Variants in GPATCH2L observed in about 807,000 individuals in gnomAD.
GPATCH2L encodes the protein G patch domain-containing protein 2-like.
Under a neutral mutation model 57.4 loss-of-function variants are expected in GPATCH2L, and 31 were observed. That is an observed-to-expected ratio of 0.54 (90% CI 0.41 to 0.73). GPATCH2L has a LOEUF of 0.73. GPATCH2L is among the 30% of genes least tolerant of loss of function. GPATCH2L has a pLI of 0.00. For missense variants in GPATCH2L, 481 were observed against 599.9 expected, an observed-to-expected ratio of 0.80 and a Z score of 2.07; for synonymous variants, 199 against 210.7, an observed-to-expected ratio of 0.94 and a Z score of 0.48.
At chr14:76,158,541 A>G (rs12147952) in intron 2 of GPATCH2L, among the ~76,000 whole-genome samples, 24,059 of 152,244 alleles carry the variant, frequency 0.16, 2,004 homozygotes, top group Middle Eastern at 0.33. Flanking sequence ...TGGGTGATCA[A>G]TAACACTCTA....
rs2040434533 is a variant in GPATCH2L at position 76,211,029 on chromosome 14, T to C, written c.*9178T>C. 6.6e-6 allele frequency: 1 copy of C among 152,178 alleles called. No individual in the cohort carries two copies. Among genetic ancestry groups the C allele is most frequent in the African/African-American group, 2.4e-5 (1 of 41,446 alleles). The allele number at this position is 152,178 out of a possible 1,614,324, so 9.4% of individuals were successfully genotyped here. ...TTTGGCAGCAAGGAGGAGGGCACTT[T>C]AACTCAAACTGGGCAGTGGAAGAAG... On this transcript the variant is annotated 3_prime_UTR_variant, in exon 10 of 10. Coordinates refer to ENST00000261530, the MANE Select transcript of GPATCH2L (RefSeq NM_017926.4).
chr14:76,159,312 A>T (rs943247180), intron 2 of GPATCH2L, among the ~76,000 whole-genome samples: 3 of 152,242 alleles, frequency 2.0e-5, no homozygotes, highest in African/African-American at 7.2e-5. Flanking sequence ...GTCATCTTCA[A>T]AGATTCATTC....
chr14:76,161,007 A>C (rs1467527929), intron 2 of GPATCH2L, among the ~76,000 whole-genome samples: 3 of 152,218 alleles, frequency 2.0e-5, no homozygotes, highest in Non-Finnish European at 4.4e-5. Context: ...GAAACTGAAA[A>C]AGAAATTCTT....
At position 76,210,067 on chromosome 14, in the gene GPATCH2L, G is replaced by C. The variant is rs1207491717; in HGVS notation, c.*8216G>C. ...CCTCAGGGACCTCTTAGGGAAGAGGGTAACTGCCCTAAAGCAGGATACTCC... is the reference window on the plus strand; with the variant it reads ...CCTCAGGGACCTCTTAGGGAAGAGGCTAACTGCCCTAAAGCAGGATACTCC... On this transcript the variant is annotated 3_prime_UTR_variant, in exon 10 of 10. Transcript: ENST00000261530. The C allele has an allele frequency of 6.6e-6, 1 of 152,188 alleles. No individual in the cohort carries two copies. The highest frequency in any genetic ancestry group is 1.5e-5 in the Non-Finnish European group (1 of 68,040). 9.4% of individuals were successfully genotyped at this position (152,188 alleles called of 1,614,324 possible). A position where few individuals can be genotyped will look rare whatever the true frequency, so the allele number is the denominator to read the frequency against.
At chr14:76,233,706 A>G (rs1049014675) in intron 2 of GPATCH2L, among the ~76,000 whole-genome samples, 1 of 152,268 alleles carries the variant, frequency 6.6e-6, no homozygotes, top group South Asian at 2.1e-4. Context: ...CGCAATGATC[A>G]TACTTTAAAA....
At chr14:76,175,950 C>T (rs531133139) in intron 5 of GPATCH2L, 3 of 152,192 alleles carry the variant, frequency 2.0e-5, no homozygotes, top group South Asian at 2.1e-4. Context: ...AGTGAATTGC[C>T]GTTTTCCAAT....
chr14:76,158,428 A>T (rs1179651011), intron 2 of GPATCH2L, among the ~76,000 whole-genome samples: 2 of 152,132 alleles, frequency 1.3e-5, no homozygotes, highest in African/African-American at 4.8e-5. Context: ...TCTGTCCATC[A>T]CCTCTCACTT....
At chr14:76,189,059 C>T (rs997746233) in intron 8 of GPATCH2L, among the ~76,000 whole-genome samples, 5 of 152,054 alleles carry the variant, frequency 3.3e-5, no homozygotes, top group African/African-American at 1.2e-4. Flanking sequence ...TTCCATTGGT[C>T]TATGTGTCTG....
At chr14:76,182,602 AAAAAG>A (rs1566799280) in intron 8 of GPATCH2L, among the ~76,000 whole-genome samples, 2 of 149,442 alleles carry the variant, frequency 1.3e-5, no homozygotes, top group Non-Finnish European at 3.0e-5. Flanking sequence ...AAAAAAAAAA[AAAAAG>A]AAAAGAATGT....
intron 8 of GPATCH2L, among the ~76,000 whole-genome samples, chr14:76,190,436 A>G (rs536818006): frequency 3.9e-5 from 6 of 152,132 alleles, no homozygotes; most frequent in African/African-American, 1.4e-4. Flanking sequence ...ATACCACCAC[A>G]GTGGGGAAAC....
At chr14:76,181,068 C>G (rs1402864755) in intron 8 of GPATCH2L, among the ~76,000 whole-genome samples, 1 of 152,174 alleles carries the variant, frequency 6.6e-6, no homozygotes, top group Non-Finnish European at 1.5e-5. Context: ...CAACTTTGAC[C>G]TAAGTCTTCT....
In GPATCH2L at chr14:76,204,942, C is replaced by G. The variant is rs1421189621; in HGVS notation, c.*3091C>G. ...GATGCAGTATTTTAAAGGAACAAAA[C>G]TCCTGTGTTGCCTTTTGTTGTTGTT... On this transcript the variant is annotated 3_prime_UTR_variant, in exon 10 of 10. Coordinates refer to ENST00000261530, the MANE Select transcript of GPATCH2L (RefSeq NM_017926.4). 1.3e-5 allele frequency: 2 copies of G among 151,678 alleles called. No homozygotes were observed. The highest frequency in any genetic ancestry group is 2.9e-5 in the Non-Finnish European group (2 of 67,986). The allele number at this position is 151,678 out of a possible 1,614,324, so 9.4% of individuals were successfully genotyped here.
chr14:76,224,980 G>T (rs923564521), intron 1 of GPATCH2L, among the ~76,000 whole-genome samples: 2 of 152,052 alleles, frequency 1.3e-5, no homozygotes, highest in Admixed American at 1.3e-4. Flanking sequence ...AATAAAGAAG[G>T]TCTAAATAAA....
intron 2 of GPATCH2L, among the ~76,000 whole-genome samples, chr14:76,158,200 G>GT (rs1566769288): frequency 6.6e-6 from 1 of 152,010 alleles, no homozygotes; most frequent in African/African-American, 2.4e-5. Flanking sequence ...CTAAGGTGAT[G>GT]TATTAGAGGC....
rs148273537 is a variant in GPATCH2L at position 76,180,490 on chromosome 14, T to A, written c.1108-274T>A. The stretch of plus-strand genomic sequence containing the variant: ...CTGTTATATCATGTGGAAAAAACTG[T>A]CTTCTGCCATTTAAGTGACTATTGT... On this transcript the variant is annotated intron_variant, in intron 7 of 9. Transcript: ENST00000261530. Among the ~76,000 whole-genome samples the A allele has an allele frequency of 5.5e-4, 84 of 152,348 alleles. 1 individual carries two copies. The highest frequency in any genetic ancestry group is 1.9e-3 in the African/African-American group (79 of 41,582).
chr14:76,202,026 A>T lies in GPATCH2L; in HGVS notation c.*175A>T. 9.9e-6 allele frequency: 5 copies of T among 502,518 alleles called. No individual in the cohort carries two copies. The highest frequency in any genetic ancestry group is 1.7e-5 in the Non-Finnish European group (5 of 291,848). The allele number at this position is 502,518 out of a possible 1,614,324, so 31.1% of individuals were successfully genotyped here. On this transcript the variant is annotated 3_prime_UTR_variant, in exon 10 of 10. Transcript: ENST00000261530. ...TTCTCTCAGAAGATCATGTTGTGGG[A>T]ATCTTTTTTTTAAATAGTGAAATAT...
At chr14:76,198,800 G>C (rs1041240953) in intron 9 of GPATCH2L, among the ~76,000 whole-genome samples, 2 of 152,052 alleles carry the variant, frequency 1.3e-5, no homozygotes, top group African/African-American at 4.8e-5. Context: ...CTGCTTATCT[G>C]TTTTGTTCAC....
chr14:76,232,011 A>ACTGCAGGCTCACTGC, intron 2 of GPATCH2L, among the ~76,000 whole-genome samples: 1 of 150,430 alleles, frequency 6.6e-6, no homozygotes, highest in African/African-American at 2.4e-5. Flanking sequence ...CTGCAGGCTC[A>ACTGCAGGCTCACTGC]AGCAATCTTC....
At chr14:76,215,618 G>C (rs2040484594), downstream of GPATCH2L, among the ~76,000 whole-genome samples, 1 of 151,760 alleles carries the variant, frequency 6.6e-6, no homozygotes, top group African/African-American at 2.4e-5. Context: ...CCTTTGTAGG[G>C]ACATGGATGA....
Sources: allele counts gnomAD v4.1 joint callset (sites outside exome capture counted in the v4.1 genomes callset), GRCh38; gene constraint gnomAD v4.1.1; transcripts MANE v1.5; gene names NCBI Gene and HGNC (gene_info 2026-07-23, HGNC 2026-07-21).